Variants in KCNAB1 observed in about 807,000 individuals in gnomAD.
KCNAB1 encodes the protein voltage-gated potassium channel subunit beta-1.
KCNAB1 carries 35 observed loss-of-function variants against 64.6 expected under a neutral mutation model. The ratio of observed to expected loss-of-function variants is 0.54; its 90% CI spans 0.41 to 0.72. The LOEUF (loss-of-function observed/expected upper bound fraction) is 0.72. KCNAB1 is among the 30% of genes least tolerant of loss of function. The pLI is 0.00. For synonymous variants in KCNAB1, 177 were observed against 183.8 expected, an observed-to-expected ratio of 0.96 and a Z score of 0.30; for missense variants, 401 against 512.9, an observed-to-expected ratio of 0.78 and a Z score of 2.11.
intron 2 of KCNAB1, among the ~76,000 whole-genome samples, chr3:156,442,810 C>T (rs59247491): frequency 9.1e-4 from 138 of 152,290 alleles, no homozygotes; most frequent in African/African-American, 3.2e-3. Flanking sequence ...CAGCTCTCTG[C>T]CCTGATCCAG....
intron 1 of KCNAB1, among the ~76,000 whole-genome samples, chr3:156,223,476 A>G (rs1715921167): frequency 6.6e-6 from 1 of 152,226 alleles, no homozygotes; most frequent in Non-Finnish European, 1.5e-5. Flanking sequence ...TCCCTGAGCT[A>G]GACACAAAAG....
At chr3:156,243,561 CTT>C (rs758593895) in intron 1 of KCNAB1, among the ~76,000 whole-genome samples, 11 of 152,208 alleles carry the variant, frequency 7.2e-5, no homozygotes, top group Non-Finnish European at 1.0e-4. Flanking sequence ...GAAACTAAAA[CTT>C]TGATGGAAGC....
At chr3:156,338,952 C>G (rs1163250742) in intron 1 of KCNAB1, among the ~76,000 whole-genome samples, 2 of 152,198 alleles carry the variant, frequency 1.3e-5, no homozygotes. Context: ...ATTCCAACAA[C>G]ACTGCTAACA....
At chr3:156,284,832 C>G (rs1041620096) in intron 1 of KCNAB1, among the ~76,000 whole-genome samples, 5 of 152,216 alleles carry the variant, frequency 3.3e-5, no homozygotes, top group African/African-American at 9.6e-5. Flanking sequence ...GGCTCGCGCA[C>G]GATGCGCGCA....
chr3:156,211,567 C>T (rs904532649), intron 1 of KCNAB1, among the ~76,000 whole-genome samples: 6 of 152,132 alleles, frequency 3.9e-5, no homozygotes, highest in African/African-American at 1.4e-4. Context: ...ACAGGATGAT[C>T]AATTAAGCAC....
chr3:156,247,319 C>T (rs1903853), intron 1 of KCNAB1, among the ~76,000 whole-genome samples: 25,531 of 152,140 alleles, frequency 0.17, 3,342 homozygotes, highest in African/African-American at 0.35. Context: ...ACTTCTGCAG[C>T]ATTCTACTGG....
chr3:156,230,809 T>A (rs1383004330), intron 1 of KCNAB1, among the ~76,000 whole-genome samples: 1 of 152,260 alleles, frequency 6.6e-6, no homozygotes, highest in Admixed American at 6.5e-5. Flanking sequence ...GAATTACATA[T>A]GATTGTGTAT....
intron 11 of KCNAB1, among the ~76,000 whole-genome samples, chr3:156,522,089 G>GTTTTTTTTTTTTTTTTTTT (rs1327331250): frequency 3.6e-4 from 44 of 123,908 alleles, no homozygotes; most frequent in Non-Finnish European, 6.5e-4. Flanking sequence ...CTGCATACAA[G>GTTTTTTTTTTTTTTTTTTT]ATTTCAAAAA....
intron 3 of KCNAB1, among the ~76,000 whole-genome samples, chr3:156,454,655 C>G (rs1389702250): frequency 6.6e-6 from 1 of 152,092 alleles, no homozygotes; most frequent in East Asian, 1.9e-4. Flanking sequence ...CCACAGAAAC[C>G]AGAGCACAGG....
In KCNAB1 at chr3:156,398,564, A is replaced by G. The variant is rs550485045; in HGVS notation, c.276-23052A>G. Among the ~76,000 whole-genome samples the G allele has an allele frequency of 2.0e-4, 28 of 142,630 alleles. 2 individuals are homozygous for G. The South Asian group carries it at 5.8e-3, about 29-fold the overall frequency. 93.6% of individuals were successfully genotyped at this position (142,630 alleles called of 152,430 possible). ...GCCGAGATCACGCCACTGCACTCCA[A>G]CCTGGGCGACAGCGAGACTCCGTCT... On this transcript the variant is annotated intron_variant, in intron 1 of 13. Coordinates refer to ENST00000490337, the MANE Select transcript of KCNAB1 (RefSeq NM_172160.3).
intron 1 of KCNAB1, among the ~76,000 whole-genome samples, chr3:156,387,988 T>TA (rs1446019006): frequency 6.6e-6 from 1 of 152,222 alleles, no homozygotes; most frequent in Admixed American, 6.5e-5. Flanking sequence ...TTTGTTAATT[T>TA]AAAAAACATA....
intron 1 of KCNAB1, among the ~76,000 whole-genome samples, chr3:156,129,725 T>G (rs1713881985): frequency 6.6e-6 from 1 of 152,230 alleles, no homozygotes; most frequent in Non-Finnish European, 1.5e-5. Flanking sequence ...ACTATTCCCC[T>G]TTGAAGTGCC....
chr3:156,436,556 T>C (rs111501578), intron 2 of KCNAB1, among the ~76,000 whole-genome samples: 5,555 of 152,254 alleles, frequency 0.036, 342 homozygotes, highest in African/African-American at 0.13. Flanking sequence ...GTTCTGATTT[T>C]TCTGCAGCCT....
intron 1 of KCNAB1, among the ~76,000 whole-genome samples, chr3:156,294,452 T>C (rs1366575262): frequency 6.6e-6 from 1 of 152,172 alleles, no homozygotes; most frequent in Non-Finnish European, 1.5e-5. Context: ...TATGAGATTA[T>C]GCCAAATGTA....
In KCNAB1 at chr3:156,131,309, A is replaced by G. The variant is rs183326975; in HGVS notation, c.275+10423A>G. The stretch of plus-strand genomic sequence containing the variant: ...CCCCAGGTATGTGAAATGTCGTCAG[A>G]TGTCAGTTTTAGAGAAAAATCTCCA... On this transcript the variant is annotated intron_variant, in intron 1 of 13. Transcript: ENST00000490337. 3.2e-3 allele frequency among the ~76,000 whole-genome samples: 487 copies of G among 152,310 alleles called. 2 individuals are homozygous for G. Among genetic ancestry groups the G allele is most frequent in the African/African-American group, 0.011 (457 of 41,560 alleles).
intron 1 of KCNAB1, among the ~76,000 whole-genome samples, chr3:156,177,705 A>C (rs1442586088): frequency 6.7e-6 from 1 of 149,854 alleles, no homozygotes; most frequent in Admixed American, 6.7e-5. Flanking sequence ...AATTTGTCAA[A>C]AGCCGTGGAT....
At chr3:156,264,438 C>A (rs1718589125) in intron 1 of KCNAB1, among the ~76,000 whole-genome samples, 2 of 151,702 alleles carry the variant, frequency 1.3e-5, no homozygotes, top group African/African-American at 4.8e-5. Flanking sequence ...TTATAAATGT[C>A]TTCTTTCTTT....
At chr3:156,519,146 G>A (rs1342056092) in intron 11 of KCNAB1, among the ~76,000 whole-genome samples, 7 of 152,046 alleles carry the variant, frequency 4.6e-5, no homozygotes, top group African/African-American at 4.8e-5. Flanking sequence ...CTCCCATCTG[G>A]ACTCTGATTT....
At chr3:156,159,778 T>C (rs1715966535) in intron 1 of KCNAB1, among the ~76,000 whole-genome samples, 1 of 152,188 alleles carries the variant, frequency 6.6e-6, no homozygotes, top group Admixed American at 6.5e-5. Context: ...GCTACCCTAG[T>C]TAAGAGTTTA....
Sources: allele counts gnomAD v4.1 joint callset (sites outside exome capture counted in the v4.1 genomes callset), GRCh38; gene constraint gnomAD v4.1.1; transcripts MANE v1.5; gene names NCBI Gene and HGNC (gene_info 2026-07-23, HGNC 2026-07-21).